The following TMEM120B variants were observed in gnomAD, a reference collection of about 807,000 sequenced individuals.
TMEM120B encodes the protein transmembrane protein 120B.
TMEM120B carries 31 observed loss-of-function variants against 55.5 expected under a neutral mutation model. That is an observed-to-expected ratio of 0.56 (90% CI 0.42 to 0.75). The LOEUF (loss-of-function observed/expected upper bound fraction) is 0.75, where lower values mean the gene tolerates loss of function less well. Among genes scored for constraint, TMEM120B ranks in the 30% least tolerant of loss-of-function variants. The pLI, the probability that TMEM120B is intolerant of heterozygous loss-of-function variation, is 0.00. For missense variants in TMEM120B, 399 were observed against 425.5 expected, an observed-to-expected ratio of 0.94 and a Z score of 0.55; for synonymous variants, 203 against 176.3, an observed-to-expected ratio of 1.15 and a Z score of -1.20.
chr12:121,717,334 G>A lies in TMEM120B; in HGVS notation c.69+4370G>A, dbSNP rs574674024. On this transcript the variant is annotated intron_variant, in intron 1 of 11. Coordinates refer to ENST00000449592, the MANE Select transcript of TMEM120B (RefSeq NM_001080825.2). ...GTGATGCAAGGGCCTTGAAGGCCAT[G>A]GTAAAGATTTTGGCTTTTACTGCTA... Among the ~76,000 whole-genome samples the A allele has an allele frequency of 2.6e-5, 4 of 152,302 alleles. No individual in the cohort carries two copies. In the South Asian group the frequency reaches 8.3e-4, roughly 32 times the overall value.
At chr12:121,724,856 C>T (rs961139976) in intron 1 of TMEM120B, among the ~76,000 whole-genome samples, 8 of 151,968 alleles carry the variant, frequency 5.3e-5, no homozygotes, top group African/African-American at 1.7e-4. Flanking sequence ...GTGATCCACC[C>T]GCCTTGGCCT....
intron 7 of TMEM120B, 47 bp from the exon 8 acceptor site, chr12:121,771,441 C>T (rs778627811): frequency 8.5e-6 from 13 of 1,527,524 alleles, no homozygotes; most frequent in Non-Finnish European, 1.2e-5. Flanking sequence ...AGGAATGTCT[C>T]ATTTCATAGT....
At chr12:121,766,375 C>G (rs1273454784) in intron 6 of TMEM120B, among the ~76,000 whole-genome samples, 1 of 152,142 alleles carries the variant, frequency 6.6e-6, no homozygotes, top group Admixed American at 6.6e-5. Context: ...TCTTATGGGC[C>G]CATGTAACTG....
chr12:121,779,128 C>T lies in TMEM120B; in HGVS notation c.*3406C>T, dbSNP rs1874346167. 4.8e-6 allele frequency: 1 copy of T among 207,438 alleles called. No individual in the cohort carries two copies. The highest frequency in any genetic ancestry group is 2.3e-5 in the African/African-American group (1 of 44,074). 12.8% of individuals were successfully genotyped at this position (207,438 alleles called of 1,614,324 possible). A position where few individuals can be genotyped will look rare whatever the true frequency, so the allele number is the denominator to read the frequency against. Reference sequence around the variant, plus strand: ...CACAGGAGTGGCAGGCTTGGGGCGCCCGCGTGGAACAGTGCCAGGTCTACG... The same window carrying T: ...CACAGGAGTGGCAGGCTTGGGGCGCTCGCGTGGAACAGTGCCAGGTCTACG... On this transcript the variant is annotated 3_prime_UTR_variant, in exon 12 of 12. Coordinates refer to ENST00000449592, the MANE Select transcript of TMEM120B (RefSeq NM_001080825.2).
At position 121,776,553 on chromosome 12, in the gene TMEM120B, A is replaced by G. The variant is rs183784361; in HGVS notation, c.*831A>G. On this transcript the variant is annotated 3_prime_UTR_variant, in exon 12 of 12. Coordinates refer to ENST00000449592, the MANE Select transcript of TMEM120B (RefSeq NM_001080825.2). ...TGGGAGGGAGGTGGGGGTGCCTGGC[A>G]GGCTCACCCCCAGGGGCCGCACCCT... 5 of 152,304 alleles carry G rather than the reference A, an allele frequency of 3.3e-5. No homozygotes were observed. The East Asian group carries it at 9.7e-4, about 29-fold the overall frequency. The allele number at this position is 152,304 out of a possible 1,614,324, so 9.4% of individuals were successfully genotyped here. A position where few individuals can be genotyped will look rare whatever the true frequency, so the allele number is the denominator to read the frequency against.
chr12:121,760,017 G>C (rs1873618283), intron 5 of TMEM120B, among the ~76,000 whole-genome samples: 2 of 149,198 alleles, frequency 1.3e-5, no homozygotes, highest in South Asian at 4.2e-4. Flanking sequence ...CATAGTCCCA[G>C]CTACTCAGGA....
intron 1 of TMEM120B, among the ~76,000 whole-genome samples, chr12:121,739,881 C>T (rs372719928): frequency 3.2e-4 from 46 of 144,590 alleles, no homozygotes; most frequent in African/African-American, 1.2e-3. Flanking sequence ...CGGGTTGAAG[C>T]GATTCTCCTG....
rs1380328516 is a variant in TMEM120B at position 121,781,443 on chromosome 12, C to T, written c.*5721C>T. The T allele has an allele frequency of 1.8e-5, 8 of 453,242 alleles. No homozygotes were observed. Among genetic ancestry groups the T allele is most frequent in the African/African-American group, 1.2e-4 (6 of 50,482 alleles). 28.1% of individuals were successfully genotyped at this position (453,242 alleles called of 1,614,324 possible). A position where few individuals can be genotyped will look rare whatever the true frequency, so the allele number is the denominator to read the frequency against. ...CCGTGATCATGCCACTGCACTCCAGCCTGGGTGACAGAGCGAGACCCTGTC... is the reference window on the plus strand; with the variant it reads ...CCGTGATCATGCCACTGCACTCCAGTCTGGGTGACAGAGCGAGACCCTGTC... On this transcript the variant is annotated 3_prime_UTR_variant, in exon 12 of 12. Transcript: ENST00000449592.
rs1215133016 is a variant in TMEM120B at position 121,775,625 on chromosome 12, T to C, written c.923T>C (p.Phe308Ser). The C allele has an allele frequency of 3.1e-6, 5 of 1,613,868 alleles. No homozygotes were observed. Among genetic ancestry groups the C allele is most frequent in the Middle Eastern group, 1.7e-4 (1 of 6,058 alleles). ...CTCCCCCAGGTGTTCGTACTGGCGT[T>C]CACCTTCCTCATCCTCTTCCTCGGC... ...CREWQVFVLA[F>S]TFLILFLGNF... is the part of the protein sequence containing the mutation. Residue 308 changes from phenylalanine to serine, a missense_variant, in exon 12 of 12, where the codon TTC (phenylalanine) becomes TCC (serine). Coordinates refer to ENST00000449592, the MANE Select transcript of TMEM120B (RefSeq NM_001080825.2). The surrounding 1 kb of genome is among the most constrained non-coding windows in gnomAD (Gnocchi z 4.3).
rs949207071 is a variant in TMEM120B at position 121,778,080 on chromosome 12, A to C, written c.*2358A>C. On this transcript the variant is annotated 3_prime_UTR_variant, in exon 12 of 12. Coordinates refer to ENST00000449592, the MANE Select transcript of TMEM120B (RefSeq NM_001080825.2). ...TGAAGCCATTATCCCATCTTAGGCGACACCGACTCCTAGGCGCCCTCCAGA... is the reference window on the plus strand; with the variant it reads ...TGAAGCCATTATCCCATCTTAGGCGCCACCGACTCCTAGGCGCCCTCCAGA... The C allele has an allele frequency of 9.9e-5, 15 of 152,070 alleles. No individual in the cohort carries two copies. Among genetic ancestry groups the C allele is most frequent in the African/African-American group, 3.6e-4 (15 of 41,450 alleles). The allele number at this position is 152,070 out of a possible 1,614,324, so 9.4% of individuals were successfully genotyped here.
chr12:121,750,859 C>T (rs1229891214), intron 4 of TMEM120B, among the ~76,000 whole-genome samples: 3 of 123,816 alleles, frequency 2.4e-5, no homozygotes, highest in Non-Finnish European at 3.4e-5. Flanking sequence ...CCCATACCCA[C>T]ACCCCACACC....
chr12:121,756,047 G>C (rs1566519387), intron 5 of TMEM120B, among the ~76,000 whole-genome samples: 1 of 152,136 alleles, frequency 6.6e-6, no homozygotes, highest in African/African-American at 2.4e-5. Flanking sequence ...CAAGAATCCA[G>C]AGCGATCATC....
chr12:121,721,104 G>A (rs553152851), intron 1 of TMEM120B, among the ~76,000 whole-genome samples: 19 of 152,306 alleles, frequency 1.2e-4, no homozygotes, highest in Admixed American at 7.9e-4. Flanking sequence ...TTCTACATGC[G>A]GAGGATGGTA....
chr12:121,775,597 G>C lies in TMEM120B; in HGVS notation c.907-12G>C. 6.2e-7 allele frequency: 1 copy of C among 1,610,772 alleles called. No homozygotes were observed. Among genetic ancestry groups the C allele is most frequent in the Non-Finnish European group, 8.5e-7 (1 of 1,177,804 alleles). On this transcript the variant is annotated splice_polypyrimidine_tract_variant and intron_variant, in intron 11 of 11. Coordinates refer to ENST00000449592, the MANE Select transcript of TMEM120B (RefSeq NM_001080825.2). The surrounding 1 kb of genome is among the most constrained non-coding windows in gnomAD (Gnocchi z 4.3). ...ATGCCCCAGCCTCGCCCTCCTCTCT[G>C]GACTCCCCCAGGTGTTCGTACTGGC... is the stretch of plus-strand genomic sequence containing the variant.
chr12:121,745,384 T>TTTCATTCA (rs544729269), intron 2 of TMEM120B, among the ~76,000 whole-genome samples: 1 of 152,174 alleles, frequency 6.6e-6, no homozygotes, highest in Admixed American at 6.6e-5. Flanking sequence ...TTAAAATTAT[T>TTTCATTCA]TTCATTCATT....
intron 3 of TMEM120B, among the ~76,000 whole-genome samples, chr12:121,750,025 A>G (rs909258012): frequency 6.6e-6 from 1 of 152,078 alleles, no homozygotes; most frequent in Non-Finnish European, 1.5e-5. Context: ...AATAATAATA[A>G]TGAAAAATAA....
At chr12:121,728,488 CAA>C (rs745979690) in intron 1 of TMEM120B, among the ~76,000 whole-genome samples, 20 of 102,582 alleles carry the variant, frequency 1.9e-4, no homozygotes, top group Admixed American at 3.2e-4. Context: ...GACTCCGTCT[CAA>C]AAAAAAAAAA....
At chr12:121,725,764 T>A (rs897164544) in intron 1 of TMEM120B, among the ~76,000 whole-genome samples, 14 of 152,038 alleles carry the variant, frequency 9.2e-5, no homozygotes, top group African/African-American at 3.4e-4. Flanking sequence ...GGGCCAGGCA[T>A]GGTGCCTCAC....
chr12:121,773,582 C>A, intron 9 of TMEM120B, 69 bp downstream of exon 9: 1 of 1,256,774 alleles, frequency 8.0e-7, no homozygotes, highest in Non-Finnish European at 1.1e-6. Context: ...ACCGGGAGTG[C>A]AGCCCTGCGA....
Sources: gnomAD v4.1 joint callset for allele counts (sites outside exome capture counted in the v4.1 genomes callset) on GRCh38, gnomAD v4.1.1 for gene constraint, Gnocchi (gnomAD v3.1) non-coding constraint, MANE v1.5 for transcripts, NCBI Gene and HGNC (gene_info 2026-07-23, HGNC 2026-07-21) for gene names.